KDM4C: variants seen among roughly 807,000 people sequenced by gnomAD.
KDM4C encodes the protein lysine demethylase 4C.
Under a neutral mutation model 129.3 loss-of-function variants are expected in KDM4C, and 81 were observed. The ratio of observed to expected loss-of-function variants is 0.63; its 90% confidence interval spans 0.52 to 0.75. The LOEUF (loss-of-function observed/expected upper bound fraction) is 0.75. Among genes scored for constraint, KDM4C ranks in the 30% least tolerant of loss-of-function variants. The probability of loss-of-function intolerance (pLI) is 0.00; values close to 1 mark genes in which losing one functional copy is unlikely to be tolerated. For missense variants in KDM4C, 1,457 were observed against 1,304.0 expected (o/e 1.12, Z -1.81); for synonymous variants, 573 against 456.1 (o/e 1.26, Z -3.26).
chr9:6,756,989 A>C (rs1818337861), upstream of KDM4C, among the ~76,000 whole-genome samples: 1 of 152,172 alleles, frequency 6.6e-6, no homozygotes, highest in African/African-American at 2.4e-5. Context: ...CTTAGCTAAG[A>C]CGTTAGAGAA....
At position 7,047,875 on chromosome 9, in the gene KDM4C, C is replaced by T. The variant is rs74840284; in HGVS notation, c.2315+958C>T. Among the ~76,000 whole-genome samples the T allele has an allele frequency of 4.3e-4, 66 of 152,042 alleles. 5 individuals are homozygous for T. Among genetic ancestry groups the T allele is most frequent in the East Asian group, 3.5e-3 (18 of 5,166 alleles). On this transcript the variant is annotated intron_variant, in intron 16 of 21. Transcript: ENST00000381309. ...AGTATATGTGTATTTGCTTACATTC[C>T]GCCTGGCCCCCTGGGCACTGGAGTT... is the stretch of plus-strand genomic sequence containing the variant.
Position 7,010,041 on chromosome 9 carries a change from A to G in KDM4C, c.1787-1657A>G, listed in dbSNP as rs546590710. On this transcript the variant is annotated intron_variant, in intron 12 of 21. Coordinates refer to ENST00000381309, the MANE Select transcript of KDM4C (RefSeq NM_015061.6). Reference sequence around the variant, plus strand: ...CTATTATAAAAAGTTAAAATTTGTCACAACATATGCACACAAACATGGATG... The same window carrying G: ...CTATTATAAAAAGTTAAAATTTGTCGCAACATATGCACACAAACATGGATG... Among the ~76,000 whole-genome samples, 106 of 152,354 alleles carry G rather than the reference A, an allele frequency of 7.0e-4. 2 individuals are homozygous for G. In the South Asian group the frequency reaches 0.021, roughly 30 times the overall value.
intron 17 of KDM4C, among the ~76,000 whole-genome samples, chr9:7,052,894 A>AGAGAGAGCGC (rs1830372612): frequency 9.5e-6 from 1 of 105,468 alleles, no homozygotes; most frequent in Non-Finnish European, 2.0e-5. Context: ...AGAGAGAGAG[A>AGAGAGAGCGC]GAGAGAGCGA....
intron 3 of KDM4C, among the ~76,000 whole-genome samples, chr9:6,808,586 A>T (rs1830565687): frequency 6.7e-6 from 1 of 148,782 alleles, no homozygotes; most frequent in Non-Finnish European, 1.5e-5. Flanking sequence ...TGCCTAGGAA[A>T]ACCAGAGACC....
At chr9:6,794,056 C>A (rs376666748) in intron 2 of KDM4C, among the ~76,000 whole-genome samples, 1 of 152,170 alleles carries the variant, frequency 6.6e-6, no homozygotes, top group South Asian at 2.1e-4. Context: ...TCACCCCCAG[C>A]CCATAGGCAA....
At chr9:7,092,340 G>C (rs1035562554) in intron 17 of KDM4C, among the ~76,000 whole-genome samples, 1 of 152,126 alleles carries the variant, frequency 6.6e-6, no homozygotes, top group Non-Finnish European at 1.5e-5. Flanking sequence ...TGCCAGGTGG[G>C]GGTAAGGGTA....
chr9:7,134,940 G>T (rs1306800092), intron 19 of KDM4C, among the ~76,000 whole-genome samples: 1 of 152,182 alleles, frequency 6.6e-6, no homozygotes, highest in Non-Finnish European at 1.5e-5. Context: ...TTCGTGAACT[G>T]TCTCTGAAGT....
Position 7,068,955 on chromosome 9 carries a change from C to G in KDM4C, c.2424+19755C>G, listed in dbSNP as rs796971223. 8.7e-4 allele frequency among the ~76,000 whole-genome samples: 132 copies of G among 152,110 alleles called. 1 individual carries two copies. The highest frequency in any genetic ancestry group is 3.1e-3 in the African/African-American group (127 of 41,514). Reference sequence around the variant, plus strand: ...CAGGTGATCCACCTGCCTCAGCCTCCCAAAGTGCTGGGATTACAGGCGTGA... The same window carrying G: ...CAGGTGATCCACCTGCCTCAGCCTCGCAAAGTGCTGGGATTACAGGCGTGA... On this transcript the variant is annotated intron_variant, in intron 17 of 21. Transcript: ENST00000381309.
intron 2 of KDM4C, among the ~76,000 whole-genome samples, chr9:6,797,907 A>G (rs993509290): frequency 6.6e-6 from 1 of 152,252 alleles, no homozygotes; most frequent in South Asian, 2.1e-4. Context: ...CTGTTTTGAT[A>G]TAATCAGGAA....
At chr9:6,773,786 A>G (rs993270946) in intron 1 of KDM4C, among the ~76,000 whole-genome samples, 1 of 148,156 alleles carries the variant, frequency 6.7e-6, no homozygotes, top group Middle Eastern at 3.5e-3. Flanking sequence ...AAAAAAAAAA[A>G]GTATAGGTAT....
intron 8 of KDM4C, among the ~76,000 whole-genome samples, chr9:6,922,347 C>T (rs144766084): frequency 1.3e-3 from 199 of 152,316 alleles, no homozygotes; most frequent in African/African-American, 4.5e-3. Context: ...TAAGGAAAGC[C>T]ACCCTGTTGC....
intron 17 of KDM4C, among the ~76,000 whole-genome samples, chr9:7,064,887 A>G (rs1832206048): frequency 6.6e-6 from 1 of 152,192 alleles, no homozygotes; most frequent in South Asian, 2.1e-4. Context: ...TAATGTATCT[A>G]TCACCCCATT....
chr9:6,739,434 G>C (rs1215993774), intron 1 of KDM4C, among the ~76,000 whole-genome samples: 1 of 151,732 alleles, frequency 6.6e-6, no homozygotes, highest in Non-Finnish European at 1.5e-5. Context: ...ATCTAGTGTG[G>C]GATTTGTAAA....
chr9:6,765,726 A>T (rs1820490238), intron 1 of KDM4C, among the ~76,000 whole-genome samples: 1 of 152,216 alleles, frequency 6.6e-6, no homozygotes, highest in African/African-American at 2.4e-5. Flanking sequence ...AACACACATA[A>T]ATATATAAAA....
chr9:7,020,791 C>T (rs1235528424), intron 15 of KDM4C, among the ~76,000 whole-genome samples: 2 of 152,136 alleles, frequency 1.3e-5, no homozygotes, highest in African/African-American at 4.8e-5. Flanking sequence ...TCATTTCAAG[C>T]ATTTATGCTT....
intron 8 of KDM4C, among the ~76,000 whole-genome samples, chr9:6,916,662 G>A (rs544035251): frequency 1.3e-5 from 2 of 152,322 alleles, no homozygotes; most frequent in Admixed American, 1.3e-4. Context: ...TAATTTATAT[G>A]TGTGAATAAA....
chr9:6,825,278 T>C (rs764494095), intron 4 of KDM4C, among the ~76,000 whole-genome samples: 1 of 152,144 alleles, frequency 6.6e-6, no homozygotes, highest in African/African-American at 2.4e-5. Context: ...CAAATACTAA[T>C]TAATGTTCTG....
chr9:7,043,752 C>T (rs1370944739), intron 15 of KDM4C, among the ~76,000 whole-genome samples: 4 of 151,498 alleles, frequency 2.6e-5, no homozygotes, highest in Non-Finnish European at 5.9e-5. Context: ...TATGAGTGTA[C>T]CTGGCCATGA....
Position 7,080,021 on chromosome 9 carries a change from T to G in KDM4C, c.2425-23664T>G, listed in dbSNP as rs1359591165. On this transcript the variant is annotated intron_variant, in intron 17 of 21. Transcript: ENST00000381309. ...TCAAAAGAGCAAAGTAGAGATAGATTAGGTAATAAATACTGAAAAAAAAAA... is the reference window on the plus strand; with the variant it reads ...TCAAAAGAGCAAAGTAGAGATAGATGAGGTAATAAATACTGAAAAAAAAAA... 4.7e-5 allele frequency among the ~76,000 whole-genome samples: 7 copies of G among 149,718 alleles called. 1 individual carries two copies. The East Asian group carries it at 9.9e-4, about 21-fold the overall frequency.
Sources: gnomAD v4.1 joint callset for allele counts (sites outside exome capture counted in the v4.1 genomes callset) on GRCh38, gnomAD v4.1.1 for gene constraint, MANE v1.5 for transcripts, NCBI Gene and HGNC (gene_info 2026-07-23, HGNC 2026-07-21) for gene names.